Variants in COL25A1 observed in about 807,000 individuals in gnomAD.
COL25A1 encodes collagen alpha-1(XXV) chain.
In COL25A1, 103 loss-of-function variants were observed where a neutral mutation model predicts 128.4. The observed-to-expected ratio is 0.80, with a 90% confidence interval of 0.68 to 0.94. The LOEUF is 0.94. Ranked by LOEUF, COL25A1 falls within the 40% of genes least tolerant of loss-of-function variation. COL25A1 has a pLI of 0.00. For missense variants in COL25A1, 745 were observed against 840.0 expected (o/e 0.89, Z 1.40); for synonymous variants, 279 against 277.2 (o/e 1.01, Z -0.06).
Position 109,102,997 on chromosome 4 carries a change from T to C in COL25A1, c.368-52818A>G, listed in dbSNP as rs558120407. 1.9e-4 allele frequency among the ~76,000 whole-genome samples: 29 copies of C among 152,318 alleles called. No homozygotes were observed. The South Asian group carries it at 5.6e-3, about 29-fold the overall frequency. ...TATTTAAGCAGATATTTATAAATCA[T>C]GTAAATACTATAGATATCGCACTAG... On this transcript the variant is annotated intron_variant, in intron 3 of 37. Coordinates refer to ENST00000399132, the MANE Select transcript of COL25A1 (RefSeq NM_198721.4).
At chr4:109,072,649 C>A (rs1018805282) in intron 3 of COL25A1, among the ~76,000 whole-genome samples, 14 of 152,198 alleles carry the variant, frequency 9.2e-5, no homozygotes, top group Admixed American at 3.3e-4. Context: ...GACTCACCCA[C>A]ATTCTTAGCT....
chr4:108,975,546 G>C (rs923904861), intron 6 of COL25A1, among the ~76,000 whole-genome samples: 1 of 152,152 alleles, frequency 6.6e-6, no homozygotes, highest in Non-Finnish European at 1.5e-5. Flanking sequence ...GAACTGTTAG[G>C]TTACAGACTA....
At chr4:109,084,548 T>A (rs545631033) in intron 3 of COL25A1, among the ~76,000 whole-genome samples, 1 of 152,322 alleles carries the variant, frequency 6.6e-6, no homozygotes, top group South Asian at 2.1e-4. Flanking sequence ...ACATACTTAA[T>A]CTCTCTAACA....
At chr4:109,246,969 A>G (rs1780308801) in intron 3 of COL25A1, among the ~76,000 whole-genome samples, 1 of 152,216 alleles carries the variant, frequency 6.6e-6, no homozygotes, top group Non-Finnish European at 1.5e-5. Context: ...AAAGGGGAAT[A>G]ATATAATAAA....
chr4:109,092,570 G>A (rs1765015484), intron 3 of COL25A1, among the ~76,000 whole-genome samples: 2 of 152,200 alleles, frequency 1.3e-5, no homozygotes, highest in Admixed American at 1.3e-4. Context: ...CAACGCTCAA[G>A]GTCCACTCCC....
intron 3 of COL25A1, among the ~76,000 whole-genome samples, chr4:109,180,862 A>G (rs1774564296): frequency 6.6e-6 from 1 of 152,186 alleles, no homozygotes; most frequent in African/African-American, 2.4e-5. Context: ...ATTATTTAGT[A>G]TTTATAAAAC....
At chr4:109,008,092 T>A (rs377185933) in intron 6 of COL25A1, among the ~76,000 whole-genome samples, 6 of 152,232 alleles carry the variant, frequency 3.9e-5, no homozygotes, top group African/African-American at 1.4e-4. Context: ...CACTTGGATG[T>A]TGTGGCAGAT....
chr4:108,896,140 G>C (rs1355540199), intron 16 of COL25A1, among the ~76,000 whole-genome samples: 1 of 151,470 alleles, frequency 6.6e-6, no homozygotes, highest in African/African-American at 2.4e-5. Context: ...AGTAGGGACG[G>C]GGTTTCACTG....
intron 31 of COL25A1, among the ~76,000 whole-genome samples, chr4:108,834,745 A>G (rs567772534): frequency 1.3e-5 from 2 of 152,306 alleles, no homozygotes; most frequent in East Asian, 1.9e-4. Context: ...TATTCACCAT[A>G]TATTTCTTTA....
intron 5 of COL25A1, among the ~76,000 whole-genome samples, chr4:109,033,562 T>G (rs987085241): frequency 3.9e-5 from 6 of 152,218 alleles, no homozygotes; most frequent in Admixed American, 3.9e-4. Context: ...ATTTGGAACC[T>G]CTTTGCTTTT....
rs17039591 is a variant in COL25A1 at position 108,965,327 on chromosome 4, C to T, written c.492+9040G>A. On this transcript the variant is annotated intron_variant, in intron 8 of 37. Coordinates refer to ENST00000399132, the MANE Select transcript of COL25A1 (RefSeq NM_198721.4). ...AAAACCAGCTGTTGGCTGATGATGT[C>T]GAGACCAATAACCACTAAATCTCCT... 2.0e-3 allele frequency among the ~76,000 whole-genome samples: 306 copies of T among 152,200 alleles called. 1 individual carries two copies. Among genetic ancestry groups the T allele is most frequent in the Middle Eastern group, 6.8e-3 (2 of 292 alleles).
rs775620016 is a variant in COL25A1, at chr4:108,810,573, G to C, written c.*3354C>G. On this transcript the variant is annotated 3_prime_UTR_variant, in exon 38 of 38. Coordinates refer to ENST00000399132, the MANE Select transcript of COL25A1 (RefSeq NM_198721.4). ...TATTTGTGCACTAGGTACTCTATAC[G>C]GTGTGTGCAGACTTCTCTGATGCTA... The C allele has an allele frequency of 1.3e-5, 2 of 152,062 alleles. No homozygotes were observed. Among genetic ancestry groups the C allele is most frequent in the African/African-American group, 2.4e-5 (1 of 41,552 alleles). 9.4% of individuals were successfully genotyped at this position (152,062 alleles called of 1,614,324 possible).
Position 109,302,072 on chromosome 4 carries a change from A to T in COL25A1, c.-53T>A. ...GCTTCCCACCCTCTACACCTCAAAT[A>T]ATCCTAAAAGGAAAGAAAAAGGTCG... On this transcript the variant is annotated 5_prime_UTR_variant, in exon 2 of 38. Coordinates refer to ENST00000399132, the MANE Select transcript of COL25A1 (RefSeq NM_198721.4). The T allele has an allele frequency of 6.6e-7, 1 of 1,515,214 alleles. No individual in the cohort carries two copies. Among genetic ancestry groups the T allele is most frequent in the Non-Finnish European group, 8.8e-7 (1 of 1,141,140 alleles). The allele number at this position is 1,515,214 out of a possible 1,614,324, so 93.9% of individuals were successfully genotyped here. A position where few individuals can be genotyped will look rare whatever the true frequency, so the allele number is the denominator to read the frequency against.
intron 3 of COL25A1, among the ~76,000 whole-genome samples, chr4:109,231,068 G>A (rs1779133342): frequency 1.3e-5 from 2 of 152,074 alleles, no homozygotes; most frequent in Admixed American, 1.3e-4. Context: ...GATCCCGGAA[G>A]GCAGAAGTTG....
chr4:109,143,494 G>A (rs1362016136), intron 3 of COL25A1, among the ~76,000 whole-genome samples: 1 of 152,176 alleles, frequency 6.6e-6, no homozygotes, highest in Non-Finnish European at 1.5e-5. Flanking sequence ...ATATCCTAAA[G>A]AGTGTCTTCC....
At chr4:108,819,591 G>T (rs1481137903) in intron 35 of COL25A1, among the ~76,000 whole-genome samples, 1 of 152,120 alleles carries the variant, frequency 6.6e-6, no homozygotes, top group Non-Finnish European at 1.5e-5. Context: ...GGTTCCAATT[G>T]TGCCGTGATA....
chr4:109,056,350 A>G (rs1034800237), intron 3 of COL25A1, among the ~76,000 whole-genome samples: 3 of 152,198 alleles, frequency 2.0e-5, no homozygotes, highest in Admixed American at 1.3e-4. Context: ...TAATCAGAGC[A>G]ACATAATTTT....
intron 3 of COL25A1, among the ~76,000 whole-genome samples, chr4:109,232,361 C>T (rs906677390): frequency 4.6e-5 from 7 of 151,896 alleles, no homozygotes; most frequent in African/African-American, 1.7e-4. Flanking sequence ...TACAAGATGA[C>T]TTTAGATATT....
At chr4:108,881,235 G>C (rs1740085704) in intron 19 of COL25A1, among the ~76,000 whole-genome samples, 1 of 152,164 alleles carries the variant, frequency 6.6e-6, no homozygotes, top group Admixed American at 6.5e-5. Flanking sequence ...ACCTTGAGGT[G>C]ATAGATAGAT....
Sources: allele counts gnomAD v4.1 joint callset (sites outside exome capture counted in the v4.1 genomes callset), GRCh38; gene constraint gnomAD v4.1.1; transcripts MANE v1.5; gene names NCBI Gene and HGNC (gene_info 2026-07-23, HGNC 2026-07-21).